Variants in RIMS2 observed in about 807,000 individuals in gnomAD.
RIMS2 encodes the protein regulating synaptic membrane exocytosis 2.
In RIMS2, 59 loss-of-function variants were observed where a neutral mutation model predicts 174.4. The observed-to-expected ratio is 0.34, with a 90% CI of 0.27 to 0.42. RIMS2 has a LOEUF of 0.42. Among genes scored for constraint, RIMS2 ranks in the 10% least tolerant of loss-of-function variants. RIMS2 has a pLI of 1.00. For missense variants in RIMS2, 1,620 were observed against 1,666.3 expected, an observed-to-expected ratio of 0.97 and a Z score of 0.48; for synonymous variants, 606 against 572.5, an observed-to-expected ratio of 1.06 and a Z score of -0.84.
chr8:103,514,611 T>G (rs1828063531), intron 1 of RIMS2, among the ~76,000 whole-genome samples: 1 of 152,226 alleles, frequency 6.6e-6, no homozygotes, highest in Non-Finnish European at 1.5e-5. Context: ...TGAGCATATC[T>G]TTTTAATATC....
chr8:104,184,232 A>G (rs1418577449), intron 19 of RIMS2, among the ~76,000 whole-genome samples: 4 of 151,688 alleles, frequency 2.6e-5, no homozygotes, highest in African/African-American at 9.7e-5. Context: ...TGTAAGACAT[A>G]GTATTTCTGA....
intron 1 of RIMS2, among the ~76,000 whole-genome samples, chr8:103,620,055 C>A (rs2134592530): frequency 6.6e-6 from 1 of 152,226 alleles, no homozygotes; most frequent in Middle Eastern, 3.4e-3. Context: ...TAGCTGTCAC[C>A]ACCCTTGCCT....
At chr8:104,248,628 T>C in intron 20 of RIMS2, 73 bp from the exon 27 acceptor site, 1 of 841,282 alleles carries the variant, frequency 1.2e-6, no homozygotes. Flanking sequence ...ATAATGAGGC[T>C]AGAATGAAAC....
At chr8:103,800,145 T>C (rs2098596336) in intron 3 of RIMS2, among the ~76,000 whole-genome samples, 1 of 152,206 alleles carries the variant, frequency 6.6e-6, no homozygotes, top group Admixed American at 6.5e-5. Flanking sequence ...AATGCACTTA[T>C]ATATAATTGG....
At chr8:104,128,984 A>T (rs1034322057) in intron 19 of RIMS2, among the ~76,000 whole-genome samples, 1 of 152,238 alleles carries the variant, frequency 6.6e-6, no homozygotes, top group African/African-American at 2.4e-5. Flanking sequence ...AGATGTAAAA[A>T]TAATTTCTTC....
intron 19 of RIMS2, among the ~76,000 whole-genome samples, chr8:104,036,722 CAA>C (rs2096526283): frequency 6.6e-6 from 1 of 151,572 alleles, no homozygotes; most frequent in African/African-American, 2.4e-5. Context: ...ACTAAAAATA[CAA>C]AAGTTAGCTG....
chr8:103,745,176 G>A (rs2097796662), intron 2 of RIMS2, among the ~76,000 whole-genome samples: 1 of 152,084 alleles, frequency 6.6e-6, no homozygotes, highest in South Asian at 2.1e-4. Flanking sequence ...CCCATTAGTA[G>A]TCACTCCCTT....
At chr8:104,100,451 T>C (rs2097849786) in intron 19 of RIMS2, among the ~76,000 whole-genome samples, 3 of 152,096 alleles carry the variant, frequency 2.0e-5, no homozygotes, top group Admixed American at 1.3e-4. Context: ...TCTTGCCTCA[T>C]GAATCTCCTC....
intron 1 of RIMS2, among the ~76,000 whole-genome samples, chr8:103,693,002 C>G (rs1230665848): frequency 1.3e-5 from 2 of 152,090 alleles, no homozygotes; most frequent in Non-Finnish European, 2.9e-5. Flanking sequence ...ATTTAGGATC[C>G]CAGACCCCTT....
intron 19 of RIMS2, among the ~76,000 whole-genome samples, chr8:104,197,042 C>T (rs371043164): frequency 6.6e-5 from 10 of 151,996 alleles, no homozygotes; most frequent in African/African-American, 1.9e-4. Context: ...ATGCAAAGAA[C>T]CTAAAAATTA....
downstream of RIMS2, chr8:104,254,095 T>A (rs910644386): frequency 2.6e-5 from 4 of 152,234 alleles, no homozygotes; most frequent in Admixed American, 2.6e-4. Flanking sequence ...AGTCACATAA[T>A]CTTTTGTGCA....
intron 2 of RIMS2, among the ~76,000 whole-genome samples, chr8:103,735,855 G>A (rs1430676329): frequency 6.6e-6 from 1 of 152,044 alleles, no homozygotes; most frequent in Admixed American, 6.6e-5. Flanking sequence ...GCATTCTTTT[G>A]TCAGTAGATG....
intron 1 of RIMS2, among the ~76,000 whole-genome samples, chr8:103,592,118 T>C (rs1487958011): frequency 6.6e-6 from 1 of 151,182 alleles, no homozygotes; most frequent in Non-Finnish European, 1.5e-5. Flanking sequence ...GGTGGTGTAA[T>C]CAATAAAACT....
intron 2 of RIMS2, among the ~76,000 whole-genome samples, chr8:103,761,138 A>G (rs2098108531): frequency 6.6e-6 from 1 of 152,160 alleles, no homozygotes; most frequent in South Asian, 2.1e-4. Context: ...AAATACATCC[A>G]CCACAGCTGA....
intron 17 of RIMS2, among the ~76,000 whole-genome samples, chr8:103,989,839 C>T (rs1216215083): frequency 6.6e-6 from 1 of 152,140 alleles, no homozygotes; most frequent in Non-Finnish European, 1.5e-5. Context: ...TGACTTTTCA[C>T]ATATGGAAGT....
At chr8:104,131,104 T>C (rs187463050) in intron 19 of RIMS2, among the ~76,000 whole-genome samples, 112 of 152,322 alleles carry the variant, frequency 7.4e-4, no homozygotes, top group Non-Finnish European at 6.0e-4. Context: ...TATAAACATA[T>C]CTTTCTCATC....
intron 1 of RIMS2, among the ~76,000 whole-genome samples, chr8:103,543,285 T>C (rs538509975): frequency 6.6e-6 from 1 of 151,972 alleles, no homozygotes; most frequent in African/African-American, 2.4e-5. Context: ...ACAAAAAATA[T>C]CTAGGAATAA....
At chr8:103,671,800 A>C (rs2136367593) in intron 1 of RIMS2, among the ~76,000 whole-genome samples, 1 of 152,350 alleles carries the variant, frequency 6.6e-6, no homozygotes, top group East Asian at 1.9e-4. Flanking sequence ...TAGGAATCAC[A>C]TACAATTTTG....
Position 103,868,481 on chromosome 8 carries a change from A to G in RIMS2, c.699-16817A>G, listed in dbSNP as rs73697689. ...TTTTTGTTTAAGTTCTAAAAAGGTC[A>G]TGAATCTGTTCAGTATCTTTTTAAA... On this transcript the variant is annotated intron_variant, in intron 3 of 23. Transcript: ENST00000504942. Among the ~76,000 whole-genome samples the G allele has an allele frequency of 4.9e-3, 746 of 152,182 alleles. 4 individuals carry two copies. The highest frequency in any genetic ancestry group is 0.017 in the African/African-American group (721 of 41,568).
Sources: allele counts gnomAD v4.1 joint callset (sites outside exome capture counted in the v4.1 genomes callset), GRCh38; gene constraint gnomAD v4.1.1; transcripts MANE v1.5; gene names NCBI Gene and HGNC (gene_info 2026-07-23, HGNC 2026-07-21).